PTPRD: variants seen among roughly 807,000 people sequenced by gnomAD.
PTPRD encodes the protein receptor-type tyrosine-protein phosphatase delta.
PTPRD carries 34 observed loss-of-function variants against 214.5 expected under a neutral mutation model. The ratio of observed to expected loss-of-function variants is 0.16; its 90% CI spans 0.12 to 0.21. PTPRD has a LOEUF of 0.21. PTPRD is among the 10% of genes least tolerant of loss of function. The probability of loss-of-function intolerance (pLI) is 1.00; values close to 1 mark genes in which losing one functional copy is unlikely to be tolerated. For missense variants in PTPRD, 2,545 were observed against 2,398.7 expected, an observed-to-expected ratio of 1.06 and a Z score of -1.27; for synonymous variants, 1,128 against 845.7, an observed-to-expected ratio of 1.33 and a Z score of -5.79.
intron 8 of PTPRD, among the ~76,000 whole-genome samples, chr9:9,462,773 G>A (rs894195738): frequency 3.3e-5 from 5 of 152,204 alleles, no homozygotes; most frequent in African/African-American, 1.2e-4. Flanking sequence ...TATAGCAGGT[G>A]ACATGGCAGA....
intron 2 of PTPRD, among the ~76,000 whole-genome samples, chr9:10,355,374 A>AT (rs34783009): frequency 0.25 from 37,530 of 151,844 alleles, 4,764 homozygotes; most frequent in African/African-American, 0.29. Context: ...GAACTGTTAT[A>AT]TTTTTAAAAC....
chr9:9,570,878 T>C (rs924089211), intron 8 of PTPRD, among the ~76,000 whole-genome samples: 3 of 151,664 alleles, frequency 2.0e-5, no homozygotes, highest in Non-Finnish European at 3.0e-5. Flanking sequence ...ATTCCATCTT[T>C]AGTTTCAAGG....
At chr9:8,591,184 C>G (rs1163510911) in intron 14 of PTPRD, among the ~76,000 whole-genome samples, 3 of 152,138 alleles carry the variant, frequency 2.0e-5, no homozygotes, top group Non-Finnish European at 2.9e-5. Context: ...CACTTAAGGA[C>G]AAATGAATAG....
intron 14 of PTPRD, among the ~76,000 whole-genome samples, chr9:8,615,828 C>A (rs1040496291): frequency 6.6e-6 from 1 of 152,020 alleles, no homozygotes; most frequent in African/African-American, 2.4e-5. Flanking sequence ...CCCTTTCTTG[C>A]ATTCTAAAGA....
intron 11 of PTPRD, among the ~76,000 whole-genome samples, chr9:9,014,920 G>A (rs7043532): frequency 0.42 from 64,142 of 151,886 alleles, 13,797 homozygotes; most frequent in Non-Finnish European, 0.47. Flanking sequence ...AAAAGACCTT[G>A]CTATATTCTG....
intron 7 of PTPRD, among the ~76,000 whole-genome samples, chr9:9,618,261 C>T (rs2095024675): frequency 1.3e-5 from 2 of 151,716 alleles, no homozygotes; most frequent in Non-Finnish European, 1.5e-5. Flanking sequence ...CATCATTATA[C>T]TAACCCTTCC....
intron 4 of PTPRD, among the ~76,000 whole-genome samples, chr9:10,022,943 T>C (rs1355001589): frequency 6.6e-6 from 1 of 152,228 alleles, no homozygotes; most frequent in Non-Finnish European, 1.5e-5. Flanking sequence ...AGAAACATCT[T>C]ATACTGGCTT....
At chr9:10,083,741 G>A (rs1567573137) in intron 3 of PTPRD, among the ~76,000 whole-genome samples, 1 of 151,892 alleles carries the variant, frequency 6.6e-6, no homozygotes, top group African/African-American at 2.4e-5. Flanking sequence ...GGTGGATGAG[G>A]ATCATCAGGC....
intron 4 of PTPRD, among the ~76,000 whole-genome samples, chr9:9,998,146 A>ATATATATATATATATATATATAT (rs1566998658): frequency 5.8e-5 from 8 of 137,728 alleles, no homozygotes; most frequent in African/African-American, 2.2e-4. Context: ...ATATATATAT[A>ATATATATATATATATATATATAT]AAAGAAGAAG....
chr9:8,852,693 T>G (rs1227347919), intron 11 of PTPRD, among the ~76,000 whole-genome samples: 1 of 152,218 alleles, frequency 6.6e-6, no homozygotes, highest in Non-Finnish European at 1.5e-5. Context: ...TTTAGTTTAC[T>G]TATCTATGAC....
chr9:8,526,648 G>T lies in PTPRD; in HGVS notation c.551-4C>A. 1 of 1,572,972 alleles carries T rather than the reference G, an allele frequency of 6.4e-7. No individual in the cohort carries two copies. The highest frequency in any genetic ancestry group is 8.6e-7 in the Non-Finnish European group (1 of 1,156,198). On this transcript the variant is annotated splice_polypyrimidine_tract_variant and splice_region_variant and intron_variant, in intron 16 of 45. Coordinates refer to ENST00000381196, the MANE Select transcript of PTPRD (RefSeq NM_002839.4). The stretch of plus-strand genomic sequence containing the variant: ...TTACCTCTTATTGGTGTACCACCTG[G>T]GTGGATAATATGAATGCAAATAAGA...
At chr9:9,834,938 T>G (rs2056289864) in intron 5 of PTPRD, among the ~76,000 whole-genome samples, 3 of 152,034 alleles carry the variant, frequency 2.0e-5, no homozygotes, top group Admixed American at 2.0e-4. Flanking sequence ...TACTTTTGTT[T>G]TTTTTTTGTT....
chr9:10,349,296 C>T (rs1159626893), intron 2 of PTPRD, among the ~76,000 whole-genome samples: 1 of 151,846 alleles, frequency 6.6e-6, no homozygotes, highest in Non-Finnish European at 1.5e-5. Flanking sequence ...AAATAAACCT[C>T]CTAAAATGAG....
intron 14 of PTPRD, among the ~76,000 whole-genome samples, chr9:8,536,022 T>C (rs1044810689): frequency 6.6e-6 from 1 of 151,926 alleles, no homozygotes; most frequent in Admixed American, 6.6e-5. Context: ...TTGAACCTTA[T>C]TAGAGTTCCT....
At position 8,684,007 on chromosome 9, in the gene PTPRD, G is replaced by T. The variant is rs371115965; in HGVS notation, c.65-47163C>A. Among the ~76,000 whole-genome samples, 94 of 152,302 alleles carry T rather than the reference G, an allele frequency of 6.2e-4. 1 individual carries two copies. The highest frequency in any genetic ancestry group is 2.2e-3 in the African/African-American group (90 of 41,554). On this transcript the variant is annotated intron_variant, in intron 12 of 45. Transcript: ENST00000381196. ...GGTCCCAACATCAACCAGTGGGCTTGTGAGTAGGTAAGGTCAGAAGACTCC... is the reference window on the plus strand; with the variant it reads ...GGTCCCAACATCAACCAGTGGGCTTTTGAGTAGGTAAGGTCAGAAGACTCC...
At chr9:9,528,938 C>CTTTTTTTTTTTTTTTTT (rs112564567) in intron 8 of PTPRD, among the ~76,000 whole-genome samples, 1 of 136,698 alleles carries the variant, frequency 7.3e-6, no homozygotes. Context: ...TTGTTTGTTT[C>CTTTTTTTTTTTTTTTTT]TTTTTTTTTT....
intron 8 of PTPRD, among the ~76,000 whole-genome samples, chr9:9,408,835 A>G (rs2074431293): frequency 6.6e-6 from 1 of 151,920 alleles, no homozygotes; most frequent in South Asian, 2.1e-4. Context: ...CTCAGTAATC[A>G]TATTTTCTTT....
intron 3 of PTPRD, among the ~76,000 whole-genome samples, chr9:10,201,954 GCCA>G (rs1330374051): frequency 1.3e-5 from 2 of 151,776 alleles, no homozygotes; most frequent in Non-Finnish European, 2.9e-5. Flanking sequence ...CACAGATCAG[GCCA>G]CGTCTGAATT....
chr9:8,988,552 G>C (rs2099354316), intron 11 of PTPRD, among the ~76,000 whole-genome samples: 1 of 152,000 alleles, frequency 6.6e-6, no homozygotes, highest in Non-Finnish European at 1.5e-5. Context: ...TATGTTACTG[G>C]AGATAAAAAC....
Sources: allele counts gnomAD v4.1 joint callset (sites outside exome capture counted in the v4.1 genomes callset), GRCh38; gene constraint gnomAD v4.1.1; transcripts MANE v1.5; gene names NCBI Gene and HGNC (gene_info 2026-07-23, HGNC 2026-07-21).